Variants in SPATA13 observed in about 807,000 individuals in gnomAD.
The protein encoded by SPATA13 is spermatogenesis-associated protein 13.
In SPATA13, 50 loss-of-function variants were observed where a neutral mutation model predicts 104.0. The ratio of observed to expected loss-of-function variants is 0.48; its 90% CI spans 0.38 to 0.61. SPATA13 has a LOEUF of 0.61. Ranked by LOEUF, SPATA13 falls within the 20% of genes least tolerant of loss-of-function variation. SPATA13 has a pLI of 0.00. For synonymous variants in SPATA13, 606 were observed against 667.5 expected, an observed-to-expected ratio of 0.91 and a Z score of 1.42; for missense variants, 1,524 against 1,690.6, an observed-to-expected ratio of 0.90 and a Z score of 1.73.
Position 24,294,906 on chromosome 13 carries a change from G to A in SPATA13, c.3210+38G>A, listed in dbSNP as rs763597089. 24 of 1,582,352 alleles carry A rather than the reference G, an allele frequency of 1.5e-5. No individual in the cohort carries two copies. In the East Asian group the frequency reaches 1.8e-4, roughly 12 times the overall value. ...CACCCCACATGATCCCATGCCACTC[G>A]CCCTTCCCGCACCTTTGATCTGGTG... On this transcript the variant is annotated intron_variant, in intron 10 of 12. Coordinates refer to ENST00000382108, the MANE Select transcript of SPATA13 (RefSeq NM_001166271.3).
At chr13:24,207,073 T>C (rs141472722) in intron 1 of SPATA13, among the ~76,000 whole-genome samples, 1,597 of 152,266 alleles carry the variant, frequency 0.01, 23 homozygotes, top group African/African-American at 0.032. Context: ...TGCAGTTATA[T>C]GGATGGAGTT....
chr13:24,012,039 G>T lies in SPATA13; in HGVS notation c.-146-5628G>T, dbSNP rs554709834. Among the ~76,000 whole-genome samples, 6 of 152,358 alleles carry T rather than the reference G, an allele frequency of 3.9e-5. No homozygotes were observed. The East Asian group carries it at 9.6e-4, about 24-fold the overall frequency. ...CTGATGACTTACTGAGAAGATGAAGGCAGTGGTTTCTTGCAGCCATTGTGT... is the reference window on the plus strand; with the variant it reads ...CTGATGACTTACTGAGAAGATGAAGTCAGTGGTTTCTTGCAGCCATTGTGT... On this transcript the variant is annotated intron_variant, in intron 2 of 14. Transcript: ENST00000424834.
intron 2 of SPATA13, among the ~76,000 whole-genome samples, chr13:23,988,767 T>C (rs543396705): frequency 2.6e-5 from 4 of 152,374 alleles, no homozygotes; most frequent in Admixed American, 2.6e-4. Flanking sequence ...AGGGACATTG[T>C]ATTTCTTTTA....
chr13:24,200,737 G>A (rs767026384), intron 1 of SPATA13, among the ~76,000 whole-genome samples: 1 of 150,452 alleles, frequency 6.6e-6, no homozygotes, highest in Non-Finnish European at 1.5e-5. Context: ...TCTTGTGCCC[G>A]AGATGAAAAA....
chr13:24,258,160 G>A (rs930893624), intron 4 of SPATA13, among the ~76,000 whole-genome samples: 13 of 151,802 alleles, frequency 8.6e-5, no homozygotes, highest in South Asian at 4.2e-4. Context: ...GCTTGAACAC[G>A]GAAGATAGAG....
intron 3 of SPATA13, among the ~76,000 whole-genome samples, chr13:24,116,571 T>A (rs541143588): frequency 1.2e-4 from 18 of 152,288 alleles, no homozygotes; most frequent in African/African-American, 4.3e-4. Flanking sequence ...CCACAACGAC[T>A]GTATCTAGGA....
chr13:24,198,448 GA>G (rs942041156), intron 1 of SPATA13, among the ~76,000 whole-genome samples: 4 of 152,134 alleles, frequency 2.6e-5, no homozygotes, highest in African/African-American at 9.7e-5. Flanking sequence ...CTAGGAAGGT[GA>G]AAAAGAGTCT....
At chr13:24,255,816 A>C (rs1593467199) in intron 4 of SPATA13, among the ~76,000 whole-genome samples, 1 of 152,354 alleles carries the variant, frequency 6.6e-6, no homozygotes, top group East Asian at 1.9e-4. Context: ...AATGGCATCC[A>C]GCTCAGTAAG....
intron 3 of SPATA13, among the ~76,000 whole-genome samples, chr13:24,140,145 G>T (rs1881713463): frequency 1.3e-5 from 2 of 152,036 alleles, no homozygotes; most frequent in African/African-American, 2.4e-5. Context: ...AATAACCTAG[G>T]ACTGCAAATG....
chr13:23,984,118 T>C (rs1394569211), intron 2 of SPATA13, among the ~76,000 whole-genome samples: 1 of 152,260 alleles, frequency 6.6e-6, no homozygotes, highest in Non-Finnish European at 1.5e-5. Flanking sequence ...ATTGTTAAAA[T>C]ATGTGGTCAT....
intron 3 of SPATA13, among the ~76,000 whole-genome samples, chr13:24,059,569 G>A (rs1336480555): frequency 6.6e-6 from 1 of 152,206 alleles, no homozygotes; most frequent in African/African-American, 2.4e-5. Context: ...TTTTGGAGAG[G>A]CTATTATATG....
intron 3 of SPATA13, among the ~76,000 whole-genome samples, chr13:24,020,854 C>T (rs570933668): frequency 4.6e-4 from 70 of 152,166 alleles, no homozygotes; most frequent in African/African-American, 1.5e-3. Flanking sequence ...CCAGCCTGGC[C>T]GAGATGGTGA....
chr13:24,244,675 G>A (rs1157237311), intron 2 of SPATA13, among the ~76,000 whole-genome samples: 1 of 152,138 alleles, frequency 6.6e-6, no homozygotes, highest in Non-Finnish European at 1.5e-5. Context: ...ACCAGCCTGG[G>A]CAATGTGGTG....
intron 2 of SPATA13, among the ~76,000 whole-genome samples, chr13:24,001,166 C>T (rs1180252312): frequency 6.6e-6 from 1 of 152,154 alleles, no homozygotes; most frequent in Admixed American, 6.5e-5. Context: ...CATCCAGGCT[C>T]ACAGCCACAT....
At chr13:24,117,157 A>G (rs1880872865) in intron 3 of SPATA13, among the ~76,000 whole-genome samples, 1 of 152,210 alleles carries the variant, frequency 6.6e-6, no homozygotes, top group African/African-American at 2.4e-5. Flanking sequence ...AAAACAAAAC[A>G]AGAGATTTGC....
chr13:24,249,894 G>T, intron 3 of SPATA13, 52 bp downstream of exon 3: 2 of 1,532,218 alleles, frequency 1.3e-6, no homozygotes, highest in South Asian at 2.6e-5. Flanking sequence ...CCAGCTTCCT[G>T]CCTCTATTCT....
In SPATA13 at chr13:24,290,589, C is replaced by T. The variant is rs558922414; in HGVS notation, c.2848-63C>T. 7.3e-6 allele frequency: 9 copies of T among 1,233,080 alleles called. No homozygotes were observed. In the South Asian group the frequency reaches 1.0e-4, roughly 14 times the overall value. 76.4% of individuals were successfully genotyped at this position (1,233,080 alleles called of 1,614,324 possible). A position where few individuals can be genotyped will look rare whatever the true frequency, so the allele number is the denominator to read the frequency against. ...TCCCTTAGAGAGGGCTGGGATGATG[C>T]CTGTCTTTGTCATGTCCCAGAGGCA... On this transcript the variant is annotated intron_variant, in intron 8 of 12. Coordinates refer to ENST00000382108, the MANE Select transcript of SPATA13 (RefSeq NM_001166271.3).
At chr13:24,111,369 C>T (rs774902669) in intron 3 of SPATA13, among the ~76,000 whole-genome samples, 1 of 152,158 alleles carries the variant, frequency 6.6e-6, no homozygotes. Context: ...TGGAATCTAT[C>T]CTTCCAGGGG....
chr13:24,103,002 C>A (rs1880306164), intron 3 of SPATA13, among the ~76,000 whole-genome samples: 1 of 152,044 alleles, frequency 6.6e-6, no homozygotes, highest in African/African-American at 2.4e-5. Context: ...TGTGGCTATC[C>A]CGTTTTCCCA....
Sources: gnomAD v4.1 joint callset for allele counts (sites outside exome capture counted in the v4.1 genomes callset) on GRCh38, gnomAD v4.1.1 for gene constraint, MANE v1.5 for transcripts, NCBI Gene and HGNC (gene_info 2026-07-23, HGNC 2026-07-21) for gene names.